ELAPOR1: variants seen among roughly 807,000 people sequenced by gnomAD.
The protein encoded by ELAPOR1 is endosome/lysosome-associated apoptosis and autophagy regulator 1.
In ELAPOR1, 77 loss-of-function variants were observed where a neutral mutation model predicts 119.7. That is an observed-to-expected ratio of 0.64 (90% CI 0.54 to 0.78). The LOEUF (loss-of-function observed/expected upper bound fraction) is 0.78, where lower values mean the gene tolerates loss of function less well. Ranked by LOEUF, ELAPOR1 falls within the 30% of genes least tolerant of loss-of-function variation. The pLI is 0.00. For synonymous variants in ELAPOR1, 481 were observed against 487.2 expected (o/e 0.99, Z 0.17); for missense variants, 1,115 against 1,270.4 (o/e 0.88, Z 1.86).
At chr1:109,158,681 C>T (rs975935094) in intron 1 of ELAPOR1, among the ~76,000 whole-genome samples, 16 of 152,134 alleles carry the variant, frequency 1.1e-4, no homozygotes, top group African/African-American at 3.6e-4. Flanking sequence ...GAAGGAGTTA[C>T]GTGCTGGATG....
At chr1:109,128,133 A>G (rs1156926725) in intron 1 of ELAPOR1, among the ~76,000 whole-genome samples, 1 of 152,144 alleles carries the variant, frequency 6.6e-6, no homozygotes, top group Non-Finnish European at 1.5e-5. Flanking sequence ...TTGGCTTCCC[A>G]AAGTGCTGGG....
chr1:109,131,341 T>G (rs1382017395), intron 1 of ELAPOR1, among the ~76,000 whole-genome samples: 1 of 152,160 alleles, frequency 6.6e-6, no homozygotes, highest in Admixed American at 6.5e-5. Context: ...CCACATTCTG[T>G]TCATCAAAAG....
chr1:109,171,500 C>G lies in ELAPOR1; in HGVS notation c.468-366C>G, dbSNP rs543746364. ...CCGGGAGGCAGAGGTTGTGGTGAGC[C>G]GAGGCCACGCCACTGCACTCCAGCC... On this transcript the variant is annotated intron_variant, in intron 3 of 21. Coordinates refer to ENST00000369939, the MANE Select transcript of ELAPOR1 (RefSeq NM_020775.5). Among the ~76,000 whole-genome samples, 7 of 151,886 alleles carry G rather than the reference C, an allele frequency of 4.6e-5. No individual in the cohort carries two copies. In the South Asian group the frequency reaches 1.5e-3, roughly 32 times the overall value.
Position 109,202,935 on chromosome 1 carries a change from C to G in ELAPOR1, c.2974-9C>G. On this transcript the variant is annotated splice_polypyrimidine_tract_variant and intron_variant, in intron 21 of 21. Transcript: ENST00000369939. Reference sequence around the variant, plus strand: ...CAGCAGCCAGCTCCTGTCACCATCTCTCTTTCAGAGGACTCCTGATGGATT... The same window carrying G: ...CAGCAGCCAGCTCCTGTCACCATCTGTCTTTCAGAGGACTCCTGATGGATT... The G allele has an allele frequency of 6.2e-7, 1 of 1,614,024 alleles. No individual in the cohort carries two copies. The highest frequency in any genetic ancestry group is 1.1e-5 in the South Asian group (1 of 91,024).
intron 15 of ELAPOR1, among the ~76,000 whole-genome samples, chr1:109,194,892 G>A (rs2101124176): frequency 6.6e-6 from 1 of 152,202 alleles, no homozygotes; most frequent in South Asian, 2.1e-4. Context: ...CGGATCACCT[G>A]AGGTGGGGAG....
intron 5 of ELAPOR1, among the ~76,000 whole-genome samples, chr1:109,173,246 G>C (rs1466353339): frequency 2.0e-5 from 3 of 152,180 alleles, no homozygotes; most frequent in Non-Finnish European, 4.4e-5. Flanking sequence ...GATGCTCATG[G>C]TATATATGAT....
At chr1:109,139,420 G>T (rs1380080512) in intron 1 of ELAPOR1, among the ~76,000 whole-genome samples, 1 of 152,150 alleles carries the variant, frequency 6.6e-6, no homozygotes, top group Non-Finnish European at 1.5e-5. Context: ...GCACACTGTA[G>T]ATACTGGGGA....
chr1:109,135,230 C>T (rs1221156407), intron 1 of ELAPOR1, among the ~76,000 whole-genome samples: 3 of 151,560 alleles, frequency 2.0e-5, no homozygotes, highest in Non-Finnish European at 2.9e-5. Context: ...TGAGAGAGGC[C>T]TAAGAATTCA....
chr1:109,174,175 G>A (rs1556767), intron 7 of ELAPOR1, among the ~76,000 whole-genome samples: 70,124 of 151,018 alleles, frequency 0.46, 17,261 homozygotes, highest in African/African-American at 0.65. Context: ...ACCACACCCA[G>A]CTAATTTTTT....
At chr1:109,174,405 C>T (rs1196476112) in intron 7 of ELAPOR1, among the ~76,000 whole-genome samples, 1 of 83,624 alleles carries the variant, frequency 1.2e-5, no homozygotes, top group Admixed American at 2.1e-4. Context: ...AGAGTAAGAC[C>T]CTGTCTCTAA....
chr1:109,138,834 C>CAAAAAAAAAAAAAAAAAACAA (rs150398954), intron 1 of ELAPOR1, among the ~76,000 whole-genome samples: 1 of 107,340 alleles, frequency 9.3e-6, no homozygotes, highest in Non-Finnish European at 1.8e-5. Flanking sequence ...AACTCCATCT[C>CAAAAAAAAAAAAAAAAAACAA]AAAAAAAAAA....
intron 7 of ELAPOR1, among the ~76,000 whole-genome samples, chr1:109,182,701 A>C (rs1652769576): frequency 6.6e-6 from 1 of 151,936 alleles, no homozygotes; most frequent in African/African-American, 2.4e-5. Flanking sequence ...CCCTGTCTCT[A>C]CTAAAAATAC....
At chr1:109,158,309 C>CTT (rs386368020) in intron 1 of ELAPOR1, among the ~76,000 whole-genome samples, 2,579 of 131,612 alleles carry the variant, frequency 0.02, 81 homozygotes, top group African/African-American at 0.066. Flanking sequence ...TGACAGTTTT[C>CTT]TTTTTTTTTT....
intron 2 of ELAPOR1, among the ~76,000 whole-genome samples, chr1:109,164,001 C>T (rs1220086750): frequency 2.0e-5 from 3 of 152,184 alleles, no homozygotes; most frequent in Admixed American, 2.0e-4. Flanking sequence ...CAAAGTCCCA[C>T]AGCAAGGCAG....
chr1:109,134,769 A>G (rs918534388), intron 1 of ELAPOR1, among the ~76,000 whole-genome samples: 1 of 152,168 alleles, frequency 6.6e-6, no homozygotes, highest in African/African-American at 2.4e-5. Flanking sequence ...CCTAGAGAGG[A>G]CAGCTAGTTC....
chr1:109,200,901 G>A lies in ELAPOR1; in HGVS notation c.2973+1G>A. Reference sequence around the variant, plus strand: ...GAAGATCAAATCATTTACCTCCAAGGTAGGGGTCCTGGCCAGTGCACTGAG... The same window carrying A: ...GAAGATCAAATCATTTACCTCCAAGATAGGGGTCCTGGCCAGTGCACTGAG... On this transcript the variant is annotated splice_donor_variant, in intron 21 of 21. Coordinates refer to ENST00000369939, the MANE Select transcript of ELAPOR1 (RefSeq NM_020775.5). LOFTEE classifies it high-confidence loss of function. The A allele has an allele frequency of 6.2e-7, 1 of 1,613,192 alleles. No individual in the cohort carries two copies. Among genetic ancestry groups the A allele is most frequent in the African/African-American group, 1.3e-5 (1 of 75,048 alleles).
intron 1 of ELAPOR1, among the ~76,000 whole-genome samples, chr1:109,152,759 C>T (rs1242262137): frequency 1.3e-5 from 2 of 151,752 alleles, no homozygotes; most frequent in Admixed American, 1.3e-4. Flanking sequence ...GCCTGGGCAA[C>T]ATGGCAAAAC....
At chr1:109,151,447 A>G (rs1287284579) in intron 1 of ELAPOR1, among the ~76,000 whole-genome samples, 2 of 152,220 alleles carry the variant, frequency 1.3e-5, no homozygotes, top group African/African-American at 4.8e-5. Context: ...GTGAGGTCGC[A>G]GTGCCCCTGA....
intron 1 of ELAPOR1, among the ~76,000 whole-genome samples, chr1:109,117,058 T>C (rs1570590371): frequency 6.6e-6 from 1 of 151,910 alleles, no homozygotes; most frequent in African/African-American, 2.4e-5. Context: ...ATGGCAGGAC[T>C]CTTATCAGGC....
Sources: gnomAD v4.1 joint callset for allele counts (sites outside exome capture counted in the v4.1 genomes callset) on GRCh38, gnomAD v4.1.1 for gene constraint, MANE v1.5 for transcripts, NCBI Gene and HGNC (gene_info 2026-07-23, HGNC 2026-07-21) for gene names.